Variants in HS3ST2 observed in about 807,000 individuals in gnomAD.
HS3ST2 encodes heparan sulfate-glucosamine 3-sulfotransferase 2, also known as heparan sulfate glucosamine 3-O-sulfotransferase 2.
HS3ST2 carries 17 observed loss-of-function variants against 26.3 expected under a neutral mutation model. That is an observed-to-expected ratio of 0.65 (90% CI 0.44 to 0.97). The LOEUF (loss-of-function observed/expected upper bound fraction) is 0.97, where lower values mean the gene tolerates loss of function less well. HS3ST2 is among the 50% of genes least tolerant of loss of function. The probability of loss-of-function intolerance (pLI) is 0.00; values close to 1 mark genes in which losing one functional copy is unlikely to be tolerated. For synonymous variants in HS3ST2, 237 were observed against 219.2 expected, an observed-to-expected ratio of 1.08 and a Z score of -0.72; for missense variants, 402 against 501.2, an observed-to-expected ratio of 0.80 and a Z score of 1.89.
intron 1 of HS3ST2, among the ~76,000 whole-genome samples, chr16:22,891,182 T>C (rs1186953157): frequency 6.6e-6 from 1 of 152,230 alleles, no homozygotes; most frequent in Middle Eastern, 3.2e-3. Flanking sequence ...TCAGGTATCC[T>C]GGCCTGGTTC....
At chr16:22,849,627 A>C (rs1037778731) in intron 1 of HS3ST2, among the ~76,000 whole-genome samples, 1 of 152,188 alleles carries the variant, frequency 6.6e-6, no homozygotes, top group Non-Finnish European at 1.5e-5. Context: ...TCATCTCAAC[A>C]TAGGCTTCTA....
At chr16:22,895,797 G>A (rs1165805794) in intron 1 of HS3ST2, among the ~76,000 whole-genome samples, 1 of 151,746 alleles carries the variant, frequency 6.6e-6, no homozygotes, top group Non-Finnish European at 1.5e-5. Context: ...TATTTTGGAA[G>A]GTATGTATCC....
chr16:22,895,933 G>A (rs768639148), intron 1 of HS3ST2, among the ~76,000 whole-genome samples: 14 of 150,620 alleles, frequency 9.3e-5, no homozygotes, highest in Non-Finnish European at 1.2e-4. Flanking sequence ...CCAACTTTTC[G>A]GTCTTTGTTA....
At chr16:22,881,672 G>A (rs1901992484) in intron 1 of HS3ST2, among the ~76,000 whole-genome samples, 3 of 152,172 alleles carry the variant, frequency 2.0e-5, no homozygotes, top group African/African-American at 7.2e-5. Context: ...GAGGGTACTT[G>A]GGGGCCTTGG....
intron 1 of HS3ST2, among the ~76,000 whole-genome samples, chr16:22,842,731 G>A (rs1901376603): frequency 6.6e-6 from 1 of 151,960 alleles, no homozygotes; most frequent in African/African-American, 2.4e-5. Flanking sequence ...TTACACCTTT[G>A]GATGCATTCC....
chr16:22,859,396 C>A (rs1195135865), intron 1 of HS3ST2, among the ~76,000 whole-genome samples: 37 of 152,158 alleles, frequency 2.4e-4, no homozygotes, highest in Admixed American at 1.3e-4. Flanking sequence ...ATATTGGGGC[C>A]TCACACGTTT....
At chr16:22,819,308 C>T (rs1031679296) in intron 1 of HS3ST2, among the ~76,000 whole-genome samples, 7 of 151,870 alleles carry the variant, frequency 4.6e-5, no homozygotes, top group African/African-American at 1.2e-4. Flanking sequence ...TGCTTTGCAA[C>T]CTTATAAAAA....
At chr16:22,841,169 C>A (rs1409343157) in intron 1 of HS3ST2, among the ~76,000 whole-genome samples, 1 of 152,138 alleles carries the variant, frequency 6.6e-6, no homozygotes, top group Non-Finnish European at 1.5e-5. Flanking sequence ...TCAAGCGATT[C>A]TCCTGCCTCA....
At chr16:22,887,886 G>A (rs983797402) in intron 1 of HS3ST2, among the ~76,000 whole-genome samples, 16 of 152,058 alleles carry the variant, frequency 1.1e-4, no homozygotes, top group African/African-American at 2.7e-4. Context: ...AGGAGTTCAA[G>A]GCTGCAGTGA....
chr16:22,897,413 G>C (rs1047646159), intron 1 of HS3ST2, among the ~76,000 whole-genome samples: 7 of 152,046 alleles, frequency 4.6e-5, no homozygotes, highest in African/African-American at 1.7e-4. Flanking sequence ...ACTCTGGTTT[G>C]GATTCCCTTT....
intron 1 of HS3ST2, among the ~76,000 whole-genome samples, chr16:22,838,740 T>G (rs1002361431): frequency 6.6e-6 from 1 of 152,174 alleles, no homozygotes; most frequent in Non-Finnish European, 1.5e-5. Context: ...AGGCAGTCGA[T>G]GAAAAGTCAG....
intron 1 of HS3ST2, among the ~76,000 whole-genome samples, chr16:22,860,728 A>G (rs1186360451): frequency 6.6e-6 from 1 of 152,084 alleles, no homozygotes. Context: ...GCCTTTATGT[A>G]TCACAGTTAT....
At chr16:22,839,257 G>C (rs1381143654) in intron 1 of HS3ST2, among the ~76,000 whole-genome samples, 1 of 152,200 alleles carries the variant, frequency 6.6e-6, no homozygotes, top group African/African-American at 2.4e-5. Context: ...ACTCAGCAAG[G>C]CTCACAGGCA....
intron 1 of HS3ST2, among the ~76,000 whole-genome samples, chr16:22,847,396 C>T (rs1345716524): frequency 6.6e-6 from 1 of 151,892 alleles, no homozygotes; most frequent in African/African-American, 2.4e-5. Context: ...AAGCATAGTG[C>T]CTAGTGAAAA....
intron 1 of HS3ST2, among the ~76,000 whole-genome samples, chr16:22,908,730 G>A (rs920875743): frequency 5.3e-5 from 8 of 152,154 alleles, no homozygotes; most frequent in Non-Finnish European, 8.8e-5. Context: ...TCCATGAATA[G>A]ATGAATCCAT....
chr16:22,865,216 A>G lies in HS3ST2; in HGVS notation c.486-49728A>G, dbSNP rs1362588267. On this transcript the variant is annotated intron_variant, in intron 1 of 1. Coordinates refer to ENST00000261374, the MANE Select transcript of HS3ST2 (RefSeq NM_006043.2). ...AAAAATATTGACTCAAGAAAAACTG[A>G]ATATTCCAACAACCATTGGAGTATT... is the stretch of plus-strand genomic sequence containing the variant. Among the ~76,000 whole-genome samples, 5 of 152,160 alleles carry G rather than the reference A, an allele frequency of 3.3e-5. No homozygotes were observed. The East Asian group carries it at 7.7e-4, about 23-fold the overall frequency.
chr16:22,879,456 C>T (rs753746743), intron 1 of HS3ST2, among the ~76,000 whole-genome samples: 2 of 152,048 alleles, frequency 1.3e-5, no homozygotes, highest in Non-Finnish European at 1.5e-5. Flanking sequence ...TGCACCATGC[C>T]CTTGGAAGGA....
chr16:22,908,044 G>A (rs967435394), intron 1 of HS3ST2, among the ~76,000 whole-genome samples: 1 of 152,124 alleles, frequency 6.6e-6, no homozygotes. Flanking sequence ...GGAGGATTGC[G>A]TGAGCCTGGG....
chr16:22,864,953 AG>A (rs1209547359), intron 1 of HS3ST2, among the ~76,000 whole-genome samples: 1 of 141,752 alleles, frequency 7.1e-6, no homozygotes, highest in East Asian at 2.3e-4. Context: ...CAGGAGGCTG[AG>A]GTGGCAGGAT....
Sources: allele counts gnomAD v4.1 joint callset (sites outside exome capture counted in the v4.1 genomes callset), GRCh38; gene constraint gnomAD v4.1.1; transcripts MANE v1.5; gene names NCBI Gene and HGNC (gene_info 2026-07-23, HGNC 2026-07-21).